Variants in TENM1 observed in about 807,000 individuals in gnomAD.
TENM1 encodes the protein teneurin-1.
A neutral mutation model predicts 174.8 loss-of-function variants in TENM1; 35 were observed. The observed-to-expected ratio is 0.20, with a 90% CI of 0.15 to 0.27. TENM1 has a LOEUF of 0.27. Among genes scored for constraint, TENM1 ranks in the 10% least tolerant of loss-of-function variants. The probability of loss-of-function intolerance (pLI) is 1.00; values close to 1 mark genes in which losing one functional copy is unlikely to be tolerated. For synonymous variants in TENM1, 781 were observed against 798.7 expected (o/e 0.98, Z 0.37); for missense variants, 1,633 against 2,130.1 (o/e 0.77, Z 4.59).
At chrX:124,483,472 T>C (rs1040444409) in intron 21 of TENM1, among the ~76,000 whole-genome samples, 8 of 111,901 alleles carry the variant, frequency 7.1e-5, no homozygotes, top group African/African-American at 2.6e-4. Context: ...GAAGCCATTC[T>C]TTTCTACTTC....
chrX:124,479,610 G>A (rs1183594743), intron 22 of TENM1, among the ~76,000 whole-genome samples: 2 of 111,514 alleles, frequency 1.8e-5, no homozygotes, highest in African/African-American at 6.5e-5. Flanking sequence ...AAAAGCTGCA[G>A]TGAACCAATT....
chrX:124,437,790 A>G, intron 23 of TENM1, among the ~76,000 whole-genome samples: 1 of 112,116 alleles, frequency 8.9e-6, no homozygotes, highest in East Asian at 2.8e-4. Flanking sequence ...AGATGCGCCA[A>G]ATGAACCCCT....
intron 15 of TENM1, 89 bp from the exon 19 acceptor site, chrX:124,530,072 T>G (rs1173160222): frequency 1.8e-5 from 18 of 1,006,908 alleles, no homozygotes. Context: ...AACAGTCAAG[T>G]ATAACAAAGA....
intron 3 of TENM1, among the ~76,000 whole-genome samples, chrX:124,844,325 T>A (rs995308729): frequency 1.8e-5 from 2 of 112,136 alleles, no homozygotes; most frequent in African/African-American, 6.5e-5. Flanking sequence ...AATTCCAGAA[T>A]CTATTGCCAG....
At chrX:124,720,477 G>A (rs2053285866) in intron 4 of TENM1, among the ~76,000 whole-genome samples, 1 of 111,500 alleles carries the variant, frequency 9.0e-6, no homozygotes, top group South Asian at 3.8e-4. Context: ...AACCAATGAT[G>A]TAAATCATAC....
At chrX:125,078,295 A>AT in the TENM1 span, among the ~76,000 whole-genome samples, 1 of 111,862 alleles carries the variant, frequency 8.9e-6, no homozygotes, top group African/African-American at 3.2e-5. Flanking sequence ...CAATTCAGTT[A>AT]TTTTTACCAA....
chrX:124,653,802 A>G lies in TENM1; in HGVS notation c.1169-19T>C. 3 of 1,124,267 alleles carry G rather than the reference A, an allele frequency of 2.7e-6. No homozygotes were observed. The South Asian group carries it at 5.6e-5, about 21-fold the overall frequency. The allele number at this position is 1,124,267 out of a possible 1,213,427, so 92.7% of individuals were successfully genotyped here. A position where few individuals can be genotyped will look rare whatever the true frequency, so the allele number is the denominator to read the frequency against. On this transcript the variant is annotated intron_variant, in intron 6 of 31. Coordinates refer to ENST00000422452, the Ensembl canonical transcript of TENM1. ...TGAAACACTAGTTTTAAAGGTAGAG[A>G]AAATTACACACCATGTTAATCTTAA...
exon 10 of TENM1, chrX:124,645,202 G>T (rs1358173270): frequency 8.3e-7 from 1 of 1,211,411 alleles, no homozygotes; most frequent in Non-Finnish European, 1.1e-6. Context: ...CATGATGCAG[G>T]TGCCGTGGCC....
chrX:124,540,515 C>T (rs1041240254), intron 15 of TENM1, among the ~76,000 whole-genome samples: 1 of 111,939 alleles, frequency 8.9e-6, no homozygotes, highest in African/African-American at 3.2e-5. Flanking sequence ...CTTCCTGCAA[C>T]CTTCCCTCGA....
the TENM1 span, among the ~76,000 whole-genome samples, chrX:125,019,195 A>G: frequency 9.0e-6 from 1 of 111,626 alleles, no homozygotes; most frequent in South Asian, 3.7e-4. Context: ...CAGAACAAAA[A>G]GCAAACCAAA....
the TENM1 span, among the ~76,000 whole-genome samples, chrX:125,091,814 C>G: frequency 9.3e-6 from 1 of 107,862 alleles, no homozygotes; most frequent in Non-Finnish European, 1.9e-5. Context: ...AGTGAAACCC[C>G]GTCTCTACTA....
At chrX:124,654,763 G>A (rs1011057988) in intron 6 of TENM1, among the ~76,000 whole-genome samples, 3 of 111,032 alleles carry the variant, frequency 2.7e-5, no homozygotes, top group Non-Finnish European at 5.7e-5. Context: ...AGAGGGAAGA[G>A]GTTTGGGTAC....
At chrX:124,680,044 C>T (rs73215133) in intron 5 of TENM1, among the ~76,000 whole-genome samples, 3,010 of 110,836 alleles carry the variant, frequency 0.027, 40 homozygotes, top group Admixed American at 0.038. Context: ...GAAAGAACTT[C>T]GCTAATTAAA....
chrX:124,850,989 A>G (rs965856014), intron 3 of TENM1, among the ~76,000 whole-genome samples: 6 of 110,242 alleles, frequency 5.4e-5, no homozygotes, highest in Admixed American at 4.8e-4. Context: ...AGAACTTCCA[A>G]TGCTATAGCT....
At chrX:124,643,376 G>T (rs1191639443) in intron 10 of TENM1, among the ~76,000 whole-genome samples, 2 of 110,308 alleles carry the variant, frequency 1.8e-5, no homozygotes, top group Non-Finnish European at 3.8e-5. Context: ...CCATATGGAA[G>T]AAAAAAAGGG....
chrX:124,694,005 G>A lies in TENM1; in HGVS notation c.1015+11008C>T, dbSNP rs73545925. Among the ~76,000 whole-genome samples the A allele has an allele frequency of 9.1e-3, 1,010 of 110,569 alleles. 13 individuals carry two copies. The highest frequency in any genetic ancestry group is 0.032 in the African/African-American group (967 of 30,424). Reference sequence around the variant, plus strand: ...TTTTGGATAGGGGGTTTGGTAGGTCGCTTAATTTTGTGATTCACTTTTATT... The same window carrying A: ...TTTTGGATAGGGGGTTTGGTAGGTCACTTAATTTTGTGATTCACTTTTATT... On this transcript the variant is annotated intron_variant, in intron 5 of 31. Coordinates refer to ENST00000422452, the Ensembl canonical transcript of TENM1.
chrX:124,481,615 T>G, intron 22 of TENM1, 117 bp downstream of exon 25: 4 of 227,899 alleles, frequency 1.8e-5, no homozygotes, highest in East Asian at 7.5e-5. Flanking sequence ...GGCAAAATAT[T>G]GAGATTAGTG....
the TENM1 span, among the ~76,000 whole-genome samples, chrX:125,079,259 T>C: frequency 9.7e-4 from 109 of 111,899 alleles, 1 homozygote; most frequent in Non-Finnish European, 9.6e-4. Context: ...TGGATCATGG[T>C]GAAAGAGCCA....
intron 3 of TENM1, among the ~76,000 whole-genome samples, chrX:124,790,226 T>TA (rs2147200738): frequency 8.9e-6 from 1 of 111,917 alleles, no homozygotes; most frequent in East Asian, 2.8e-4. Context: ...ACATGGGAAT[T>TA]ATGGGAGCTA....
Sources: gnomAD v4.1 joint callset for allele counts (sites outside exome capture counted in the v4.1 genomes callset) on GRCh38, gnomAD v4.1.1 for gene constraint, MANE v1.5 for transcripts, NCBI Gene and HGNC (gene_info 2026-07-23, HGNC 2026-07-21) for gene names.